Variants in MMP2 observed in about 807,000 individuals in gnomAD.
MMP2 encodes 72 kDa type IV collagenase.
Under a neutral mutation model 74.8 loss-of-function variants are expected in MMP2, and 39 were observed. That is an observed-to-expected ratio of 0.52 (90% CI 0.40 to 0.68). The LOEUF (loss-of-function observed/expected upper bound fraction) is 0.68, where lower values mean the gene tolerates loss of function less well. Ranked by LOEUF, MMP2 falls within the 30% of genes least tolerant of loss-of-function variation. The pLI is 0.00. For missense variants in MMP2, 803 were observed against 878.3 expected (o/e 0.91, Z 1.08); for synonymous variants, 367 against 339.8 (o/e 1.08, Z -0.88).
chr16:55,495,060 C>T (rs1169084232), intron 9 of MMP2, among the ~76,000 whole-genome samples: 2 of 152,292 alleles, frequency 1.3e-5, no homozygotes, highest in Middle Eastern at 6.8e-3. Context: ...GTGCAGATGC[C>T]TTGCCCTTCA....
chr16:55,495,692 A>G (rs1962514448), intron 9 of MMP2, among the ~76,000 whole-genome samples: 1 of 152,062 alleles, frequency 6.6e-6, no homozygotes, highest in African/African-American at 2.4e-5. Flanking sequence ...TCCCTCTGCA[A>G]ACTCAATCCA....
At chr16:55,483,912 C>T in intron 2 of MMP2, 104 bp from the exon 3 acceptor site, 3 of 1,260,442 alleles carry the variant, frequency 2.4e-6, no homozygotes, top group Admixed American at 1.7e-5. Context: ...CACATACACA[C>T]ACACACTCAA....
chr16:55,484,513 G>A lies in MMP2; in HGVS notation c.529+349G>A, dbSNP rs191039188. 5.1e-4 allele frequency among the ~76,000 whole-genome samples: 78 copies of A among 152,168 alleles called. 1 individual carries two copies. Among genetic ancestry groups the A allele is most frequent in the African/African-American group, 1.9e-3 (77 of 41,498 alleles). Reference sequence around the variant, plus strand: ...TTAAATTAGTTTCCTGGTCACACTGGGCACATTTTAAGTGCTCAAAAGACA... The same window carrying A: ...TTAAATTAGTTTCCTGGTCACACTGAGCACATTTTAAGTGCTCAAAAGACA... On this transcript the variant is annotated intron_variant, in intron 3 of 12. Transcript: ENST00000219070.
chr16:55,492,866 T>A (rs2142360618), intron 8 of MMP2, among the ~76,000 whole-genome samples: 1 of 152,208 alleles, frequency 6.6e-6, no homozygotes, highest in African/African-American at 2.4e-5. Flanking sequence ...TCACTCAACT[T>A]TTCTGGGCCT....
intron 1 of MMP2, 34 bp downstream of exon 1, chr16:55,479,666 T>G (rs1250392487): frequency 1.9e-6 from 3 of 1,613,206 alleles, no homozygotes; most frequent in Non-Finnish European, 2.5e-6. Flanking sequence ...GGAACCACGT[T>G]TAGACAAACT....
chr16:55,482,064 G>C (rs17859855), intron 1 of MMP2, among the ~76,000 whole-genome samples: 2,388 of 152,232 alleles, frequency 0.016, 44 homozygotes, highest in African/African-American at 0.036. Context: ...GGATCTATCA[G>C]CCTCCCTGCT....
At chr16:55,485,149 C>T in intron 3 of MMP2, 150 bp from the exon 4 acceptor site, 10 of 1,056,098 alleles carry the variant, frequency 9.5e-6, no homozygotes, top group Non-Finnish European at 1.5e-5. Context: ...CTCTACTGAG[C>T]TCCTGTTGAC....
rs1223210613 is a variant in MMP2, at chr16:55,479,313, G to A, written c.-167G>A. The A allele has an allele frequency of 4.1e-6, 3 of 740,236 alleles. No homozygotes were observed. The highest frequency in any genetic ancestry group is 5.5e-6 in the Non-Finnish European group (3 of 547,010). 45.9% of individuals were successfully genotyped at this position (740,236 alleles called of 1,614,324 possible). A position where few individuals can be genotyped will look rare whatever the true frequency, so the allele number is the denominator to read the frequency against. Reference sequence around the variant, plus strand: ...CGGCGGCGGCGGGGGCTGGGGCGCGGGGGCCGGACCATGAGCCGCTGAGCC... The same window carrying A: ...CGGCGGCGGCGGGGGCTGGGGCGCGAGGGCCGGACCATGAGCCGCTGAGCC... On this transcript the variant is annotated 5_prime_UTR_variant, in exon 1 of 13. Coordinates refer to ENST00000219070, the MANE Select transcript of MMP2 (RefSeq NM_004530.6).
chr16:55,485,023 A>T (rs1288232198), intron 3 of MMP2, among the ~76,000 whole-genome samples: 1 of 152,142 alleles, frequency 6.6e-6, no homozygotes, highest in African/African-American at 2.4e-5. Context: ...TATGTGGTAC[A>T]TATAGTGTCA....
chr16:55,495,649 G>A (rs544587731), intron 9 of MMP2, among the ~76,000 whole-genome samples: 150 of 152,288 alleles, frequency 9.8e-4, no homozygotes, highest in Non-Finnish European at 1.6e-3. Context: ...ACCTTCCTAC[G>A]CTAGGATGTT....
At chr16:55,498,548 G>A in intron 11 of MMP2, 100 bp downstream of exon 11, 1 of 1,512,506 alleles carries the variant, frequency 6.6e-7, no homozygotes, top group Non-Finnish European at 9.2e-7. Flanking sequence ...TCAGAGGTTG[G>A]TGGGCTCTGG....
chr16:55,492,389 T>C (rs1962431615), intron 8 of MMP2, among the ~76,000 whole-genome samples: 1 of 152,104 alleles, frequency 6.6e-6, no homozygotes, highest in Non-Finnish European at 1.5e-5. Context: ...TGATTTTTAG[T>C]ATGTAGTAGA....
At chr16:55,502,555 A>G (rs760113385) in intron 11 of MMP2, among the ~76,000 whole-genome samples, 1 of 152,150 alleles carries the variant, frequency 6.6e-6, no homozygotes, top group South Asian at 2.1e-4. Flanking sequence ...GATTGTTTTT[A>G]TGGGGTCATC....
intron 3 of MMP2, 108 bp downstream of exon 3, chr16:55,484,272 G>A: frequency 7.5e-7 from 1 of 1,328,594 alleles, no homozygotes; most frequent in Non-Finnish European, 1.0e-6. Context: ...GCTTAGATAG[G>A]ACAGTAGATG....
rs369441378 is a variant in MMP2, at chr16:55,498,306, T to C, written c.1627T>C (p.Tyr543His). 260 of 1,614,214 alleles carry C rather than the reference T, an allele frequency of 1.6e-4. No individual in the cohort carries two copies. Among genetic ancestry groups the C allele is most frequent in the Middle Eastern group, 3.3e-4 (2 of 6,062 alleles). The change falls in exon 11 of 13, where the codon TAC becomes CAC. Residue 543 changes from tyrosine (Y) to histidine (H), a missense_variant. Tyr to His is a moderately conservative substitution (Grantham distance 83). Transcript: ENST00000219070. Reference protein sequence around the residue: ...VFFAGNEYWIYSASTLERGYP... With the variant: ...VFFAGNEYWIHSASTLERGYP... ...CACCCCAGGGAATGAATACTGGATC[T>C]ACTCAGCCAGCACCCTGGAGCGAGG...
chr16:55,501,642 C>T (rs1344391286), intron 11 of MMP2, among the ~76,000 whole-genome samples: 5 of 152,196 alleles, frequency 3.3e-5, no homozygotes, highest in African/African-American at 9.6e-5. Context: ...GTTAGTTCTT[C>T]GGGGTGATGG....
intron 1 of MMP2, chr16:55,481,681 G>C: frequency 1.8e-6 from 1 of 561,874 alleles, no homozygotes; most frequent in South Asian, 2.7e-5. Flanking sequence ...GTGTTGTCCA[G>C]AGGCAATGCA....
At chr16:55,497,231 G>A (rs1323662483) in intron 10 of MMP2, among the ~76,000 whole-genome samples, 169 bp downstream of exon 10, 1 of 152,200 alleles carries the variant, frequency 6.6e-6, no homozygotes, top group Non-Finnish European at 1.5e-5. Context: ...GAAGTGCGCA[G>A]CTCCTCTGGG....
chr16:55,506,527 T>C lies in MMP2; in HGVS notation c.*1085T>C, dbSNP rs1364103295. 1.3e-5 allele frequency: 2 copies of C among 152,216 alleles called. No homozygotes were observed. Among genetic ancestry groups the C allele is most frequent in the Non-Finnish European group, 2.9e-5 (2 of 68,048 alleles). The allele number at this position is 152,216 out of a possible 1,614,324, so 9.4% of individuals were successfully genotyped here. A position where few individuals can be genotyped will look rare whatever the true frequency, so the allele number is the denominator to read the frequency against. On this transcript the variant is annotated 3_prime_UTR_variant, in exon 13 of 13. Transcript: ENST00000219070. ...GTCTGTTTCTTCATTAGCAATCATA[T>C]CAGTTTTAATGCTACTACTAACAAT...
Sources: gnomAD v4.1 joint callset for allele counts (sites outside exome capture counted in the v4.1 genomes callset) on GRCh38, gnomAD v4.1.1 for gene constraint, MANE v1.5 for transcripts, NCBI Gene and HGNC (gene_info 2026-07-23, HGNC 2026-07-21) for gene names.